The following CEP128 variants were observed in gnomAD, a reference collection of about 807,000 sequenced individuals.
The protein encoded by CEP128 is centrosomal protein 128, also known as centrosomal protein 128kDa.
Under a neutral mutation model 156.7 loss-of-function variants are expected in CEP128, and 132 were observed. The observed-to-expected ratio is 0.84, with a 90% confidence interval of 0.73 to 0.97. The LOEUF (loss-of-function observed/expected upper bound fraction) is 0.97, where lower values mean the gene tolerates loss of function less well. Ranked by LOEUF, CEP128 falls within the 50% of genes least tolerant of loss-of-function variation. The pLI, the probability that CEP128 is intolerant of heterozygous loss-of-function variation, is 0.00. For synonymous variants in CEP128, 469 were observed against 448.9 expected, an observed-to-expected ratio of 1.04 and a Z score of -0.57; for missense variants, 1,252 against 1,281.9, an observed-to-expected ratio of 0.98 and a Z score of 0.36.
chr14:80,510,768 T>C (rs548775271), intron 23 of CEP128, among the ~76,000 whole-genome samples: 15 of 152,048 alleles, frequency 9.9e-5, no homozygotes, highest in African/African-American at 2.2e-4. Context: ...TTGAGATATG[T>C]TCCTTTTAAA....
At chr14:80,850,642 T>A (rs1035728827) in intron 9 of CEP128, among the ~76,000 whole-genome samples, 17 of 152,178 alleles carry the variant, frequency 1.1e-4, no homozygotes, top group Admixed American at 1.0e-3. Flanking sequence ...GCATTTGCTG[T>A]CAGCTCACAA....
chr14:80,821,230 A>T (rs991547162), intron 13 of CEP128, among the ~76,000 whole-genome samples: 1 of 152,214 alleles, frequency 6.6e-6, no homozygotes, highest in Non-Finnish European at 1.5e-5. Context: ...TCTAAAAAAC[A>T]ATTTAATTTG....
exon 7 of CEP128, chr14:80,490,499 T>A (rs1887288377): frequency 6.6e-6 from 1 of 152,200 alleles, no homozygotes; most frequent in African/African-American, 2.4e-5. Context: ...ACTTTTATAA[T>A]CAAATACTAC....
At chr14:80,837,125 C>G (rs1886116831) in intron 11 of CEP128, among the ~76,000 whole-genome samples, 1 of 152,226 alleles carries the variant, frequency 6.6e-6, no homozygotes, top group Non-Finnish European at 1.5e-5. Flanking sequence ...TTTTGTAAAA[C>G]AGGTGCTATC....
At chr14:80,866,270 C>A (rs943448629) in intron 8 of CEP128, among the ~76,000 whole-genome samples, 9 of 152,108 alleles carry the variant, frequency 5.9e-5, no homozygotes, top group African/African-American at 1.9e-4. Context: ...AGTGCCAGAC[C>A]AGCTCCTATG....
At chr14:80,485,057 C>G (rs1478583742) in intron 14 of CEP128, among the ~76,000 whole-genome samples, 2 of 152,108 alleles carry the variant, frequency 1.3e-5, no homozygotes, top group African/African-American at 4.8e-5. Context: ...TTGTGGACAG[C>G]TGTCTCTCAG....
intron 21 of CEP128, among the ~76,000 whole-genome samples, chr14:80,536,932 T>G (rs1279138234): frequency 6.6e-6 from 1 of 152,208 alleles, no homozygotes; most frequent in Non-Finnish European, 1.5e-5. Context: ...TAAGGCTTGT[T>G]AAGTAAAAAT....
chr14:80,799,339 A>T (rs1883688204), intron 13 of CEP128, among the ~76,000 whole-genome samples: 1 of 152,214 alleles, frequency 6.6e-6, no homozygotes, highest in Admixed American at 6.5e-5. Flanking sequence ...TGTTATTTTC[A>T]TAAGCTGAGG....
chr14:80,845,794 A>G lies in CEP128; in HGVS notation c.763-5026T>C, dbSNP rs536128931. 3.3e-4 allele frequency among the ~76,000 whole-genome samples: 51 copies of G among 152,310 alleles called. 1 individual carries two copies. The South Asian group carries it at 6.8e-3, about 20-fold the overall frequency. On this transcript the variant is annotated intron_variant, in intron 9 of 24. Transcript: ENST00000555265. ...GTAGCAAAACGGTTTTTGTTTGTACAATATTACTATGCACTCAGTAGTTGC... is the reference window on the plus strand; with the variant it reads ...GTAGCAAAACGGTTTTTGTTTGTACGATATTACTATGCACTCAGTAGTTGC...
At chr14:80,939,122 A>G (rs1382147531) in intron 2 of CEP128, among the ~76,000 whole-genome samples, 1 of 152,248 alleles carries the variant, frequency 6.6e-6, no homozygotes, top group Non-Finnish European at 1.5e-5. Flanking sequence ...CCTGAGACAA[A>G]GCAGGTTCTC....
chr14:80,770,591 A>C (rs1324186731), intron 16 of CEP128, among the ~76,000 whole-genome samples: 1 of 152,202 alleles, frequency 6.6e-6, no homozygotes, highest in Non-Finnish European at 1.5e-5. Flanking sequence ...ACTCCTAAAA[A>C]TGTATCATTT....
intron 19 of CEP128, among the ~76,000 whole-genome samples, chr14:80,637,137 C>T (rs76574135): frequency 0.063 from 9,509 of 151,724 alleles, 339 homozygotes; most frequent in South Asian, 0.084. Context: ...GTATTCCCAG[C>T]CTGCTTAAAA....
intron 8 of CEP128, among the ~76,000 whole-genome samples, chr14:80,869,900 A>G (rs1887944356): frequency 6.6e-6 from 1 of 152,100 alleles, no homozygotes; most frequent in African/African-American, 2.4e-5. Context: ...AATAAAATCA[A>G]AAGTAAAAGA....
intron 13 of CEP128, among the ~76,000 whole-genome samples, chr14:80,812,902 A>C (rs1295556328): frequency 6.6e-6 from 1 of 151,992 alleles, no homozygotes; most frequent in Non-Finnish European, 1.5e-5. Context: ...CTTTTCATTA[A>C]TGGCCATTCT....
At chr14:80,661,205 C>T (rs933503852) in intron 19 of CEP128, among the ~76,000 whole-genome samples, 10 of 152,202 alleles carry the variant, frequency 6.6e-5, no homozygotes, top group African/African-American at 2.4e-4. Flanking sequence ...GTGCTCCCCC[C>T]CACAGAAAAA....
At chr14:80,854,918 CG>C (rs1477522525) in intron 9 of CEP128, among the ~76,000 whole-genome samples, 1 of 151,598 alleles carries the variant, frequency 6.6e-6, no homozygotes, top group Non-Finnish European at 1.5e-5. Flanking sequence ...CATAAATAAT[CG>C]GGGACAAAGC....
intron 10 of CEP128, among the ~76,000 whole-genome samples, chr14:80,839,457 T>A (rs1194097381): frequency 1.3e-5 from 2 of 151,980 alleles, no homozygotes; most frequent in Non-Finnish European, 2.9e-5. Flanking sequence ...ACGGTGGTAG[T>A]GGTAACAAGA....
chr14:80,739,894 T>C (rs897912324), intron 19 of CEP128, among the ~76,000 whole-genome samples: 3 of 152,130 alleles, frequency 2.0e-5, no homozygotes, highest in African/African-American at 4.8e-5. Flanking sequence ...TCATAAACAA[T>C]ATGTAAACCA....
chr14:80,939,263 T>C (rs964703964), intron 2 of CEP128, 122 bp downstream of exon 2: 7 of 152,332 alleles, frequency 4.6e-5, no homozygotes, highest in East Asian at 3.9e-4. Context: ...ATATTTTATT[T>C]TTAAACCATA....
Sources: gnomAD v4.1 joint callset for allele counts (sites outside exome capture counted in the v4.1 genomes callset) on GRCh38, gnomAD v4.1.1 for gene constraint, MANE v1.5 for transcripts, NCBI Gene and HGNC (gene_info 2026-07-23, HGNC 2026-07-21) for gene names.